Variants in ZNF385D observed in about 807,000 individuals in gnomAD.
The protein encoded by ZNF385D is zinc finger protein 385D.
In ZNF385D, 15 loss-of-function variants were observed where a neutral mutation model predicts 35.8. The ratio of observed to expected loss-of-function variants is 0.42; its 90% CI spans 0.28 to 0.64. The LOEUF is 0.64. ZNF385D is among the 30% of genes least tolerant of loss of function. The pLI is 0.23. For synonymous variants in ZNF385D, 212 were observed against 186.8 expected (o/e 1.13, Z -1.10); for missense variants, 474 against 494.6 (o/e 0.96, Z 0.39).
At chr3:21,552,485 T>C (rs961978111) in intron 3 of ZNF385D, among the ~76,000 whole-genome samples, 2 of 152,212 alleles carry the variant, frequency 1.3e-5, no homozygotes, top group Non-Finnish European at 2.9e-5. Flanking sequence ...TCTGCAATGA[T>C]TGTTTGGTTT....
In ZNF385D at chr3:22,268,237, T is replaced by C. The variant is rs147450665; in HGVS notation, c.107-99202A>G. The stretch of plus-strand genomic sequence containing the variant: ...TGCTGTCATTAGGGGCACACAGCAA[T>C]GGCACAAATCAGCCATGTTCTTTGA... On this transcript the variant is annotated intron_variant, in intron 2 of 5. Coordinates refer to the ZNF385D transcript ENST00000494108. 4.5e-3 allele frequency among the ~76,000 whole-genome samples: 679 copies of C among 152,106 alleles called. 7 individuals are homozygous for C. The highest frequency in any genetic ancestry group is 0.016 in the African/African-American group (646 of 41,544).
chr3:21,661,109 G>GA (rs1161321541), intron 2 of ZNF385D, among the ~76,000 whole-genome samples: 3 of 152,064 alleles, frequency 2.0e-5, no homozygotes, highest in African/African-American at 2.4e-5. Flanking sequence ...AAAGAGAACG[G>GA]AAAAAAACGA....
intron 2 of ZNF385D, among the ~76,000 whole-genome samples, chr3:22,357,982 T>C (rs1696233551): frequency 6.6e-6 from 1 of 151,896 alleles, no homozygotes; most frequent in South Asian, 2.1e-4. Context: ...GGTCTATTTT[T>C]CTCTTTCCCA....
chr3:22,105,935 T>C (rs1702186872), intron 3 of ZNF385D, among the ~76,000 whole-genome samples: 1 of 152,096 alleles, frequency 6.6e-6, no homozygotes, highest in African/African-American at 2.4e-5. Context: ...AATTTAATAG[T>C]ACACATCTGT....
chr3:22,273,667 T>C (rs1239063352), intron 2 of ZNF385D, among the ~76,000 whole-genome samples: 1 of 152,012 alleles, frequency 6.6e-6, no homozygotes, highest in Admixed American at 6.6e-5. Flanking sequence ...TCTTAAAGAA[T>C]GTATTTCAGT....
chr3:21,965,189 A>G (rs13083091), intron 3 of ZNF385D, among the ~76,000 whole-genome samples: 21,330 of 152,190 alleles, frequency 0.14, 1,738 homozygotes, highest in Middle Eastern at 0.23. Context: ...GGTGATTAAT[A>G]GACTCTGACC....
intron 2 of ZNF385D, among the ~76,000 whole-genome samples, chr3:22,288,717 A>G (rs1702147599): frequency 6.6e-6 from 1 of 151,972 alleles, no homozygotes; most frequent in Admixed American, 6.6e-5. Flanking sequence ...CCATATCCTT[A>G]TTTTTAGCAT....
intron 3 of ZNF385D, among the ~76,000 whole-genome samples, chr3:21,550,657 A>G (rs1350537016): frequency 6.6e-6 from 1 of 152,016 alleles, no homozygotes; most frequent in Non-Finnish European, 1.5e-5. Flanking sequence ...TAATTTTTGC[A>G]TTTTTAACAG....
intron 2 of ZNF385D, among the ~76,000 whole-genome samples, chr3:22,169,410 A>G (rs1706540500): frequency 6.6e-6 from 1 of 152,238 alleles, no homozygotes; most frequent in Non-Finnish European, 1.5e-5. Context: ...TGTGATAAGC[A>G]TTCAGTTTAT....
intron 3 of ZNF385D, among the ~76,000 whole-genome samples, chr3:21,823,416 G>A (rs1365405026): frequency 6.7e-6 from 1 of 148,798 alleles, no homozygotes; most frequent in Admixed American, 6.7e-5. Context: ...CAGTGCATGT[G>A]TATGCCTGTA....
chr3:21,995,938 G>A (rs1403228341), intron 3 of ZNF385D, among the ~76,000 whole-genome samples: 2 of 152,086 alleles, frequency 1.3e-5, no homozygotes, highest in East Asian at 3.9e-4. Context: ...GTAGGATACT[G>A]TGTGGGCTAG....
chr3:21,510,592 G>A (rs1348388989), intron 4 of ZNF385D, among the ~76,000 whole-genome samples: 3 of 151,992 alleles, frequency 2.0e-5, no homozygotes, highest in African/African-American at 4.8e-5. Flanking sequence ...AGAGTTATGG[G>A]GTACATGGCT....
intron 3 of ZNF385D, among the ~76,000 whole-genome samples, chr3:21,757,134 T>TTTTTTTTTTGTTTTTG (rs1553654008): frequency 7.8e-5 from 10 of 128,210 alleles, no homozygotes; most frequent in Admixed American, 1.6e-4. Flanking sequence ...TTTTTTTTTT[T>TTTTTTTTTTGTTTTTG]TTTTTGTTTT....
intron 1 of ZNF385D, among the ~76,000 whole-genome samples, chr3:21,690,778 C>A (rs1298301470): frequency 1.3e-5 from 2 of 152,140 alleles, no homozygotes; most frequent in Non-Finnish European, 2.9e-5. Context: ...GAATCAGAAA[C>A]TCTGAATATT....
intron 2 of ZNF385D, among the ~76,000 whole-genome samples, chr3:21,652,030 CAT>C (rs1386719194): frequency 2.0e-5 from 3 of 152,266 alleles, no homozygotes; most frequent in South Asian, 4.1e-4. Flanking sequence ...AATTGATACT[CAT>C]ATAAGCAGCA....
At chr3:21,719,531 C>T (rs1424127194) in intron 1 of ZNF385D, among the ~76,000 whole-genome samples, 2 of 152,180 alleles carry the variant, frequency 1.3e-5, no homozygotes. Context: ...ATCCTTTGCT[C>T]ATTTTAATAG....
chr3:21,622,903 T>C (rs2065044498), intron 2 of ZNF385D, among the ~76,000 whole-genome samples: 1 of 152,122 alleles, frequency 6.6e-6, no homozygotes, highest in Non-Finnish European at 1.5e-5. Flanking sequence ...GAGAATCACA[T>C]TTCTATATAG....
chr3:21,751,406 C>T, upstream of ZNF385D: 1 of 1,013,042 alleles, frequency 9.9e-7, no homozygotes, highest in Non-Finnish European at 1.2e-6. Flanking sequence ...GGGATCCACA[C>T]AGGAACACAC....
chr3:21,631,764 T>C lies in ZNF385D; in HGVS notation c.165+33122A>G, dbSNP rs138681640. Among the ~76,000 whole-genome samples, 760 of 152,246 alleles carry C rather than the reference T, an allele frequency of 5.0e-3. 7 individuals are homozygous for C. Among genetic ancestry groups the C allele is most frequent in the African/African-American group, 0.016 (653 of 41,560 alleles). Reference sequence around the variant, plus strand: ...AGGATTTGAGATAGAGGAAACTTCCTGATGCCAGAACTTGGGTCTAACATA... The same window carrying C: ...AGGATTTGAGATAGAGGAAACTTCCCGATGCCAGAACTTGGGTCTAACATA... On this transcript the variant is annotated intron_variant, in intron 2 of 7. Coordinates refer to ENST00000281523, the MANE Select transcript of ZNF385D (RefSeq NM_024697.3).
Sources: gnomAD v4.1 joint callset for allele counts (sites outside exome capture counted in the v4.1 genomes callset) on GRCh38, gnomAD v4.1.1 for gene constraint, MANE v1.5 for transcripts, NCBI Gene and HGNC (gene_info 2026-07-23, HGNC 2026-07-21) for gene names.